The following RAB42 variants were observed in gnomAD, a reference collection of about 807,000 sequenced individuals.
RAB42 encodes the protein RAB42, member RAS oncogene family.
Under a neutral mutation model 7.5 loss-of-function variants are expected in RAB42, and 4 were observed. The observed-to-expected ratio is 0.53, with a 90% CI of 0.26 to 1.22. The LOEUF (loss-of-function observed/expected upper bound fraction) is 1.22, where lower values mean the gene tolerates loss of function less well. Among genes scored for constraint, RAB42 ranks in the 50% most tolerant of loss-of-function variants. RAB42 has a pLI of 0.13. For missense variants in RAB42, 208 were observed against 281.2 expected, an observed-to-expected ratio of 0.74 and a Z score of 1.86; for synonymous variants, 82 against 129.0, an observed-to-expected ratio of 0.64 and a Z score of 2.47.
rs1255158250 is a variant in RAB42 at position 28,595,362 on chromosome 1, C to T, written c.*1245C>T. On this transcript the variant is annotated 3_prime_UTR_variant, in exon 2 of 2. Transcript: ENST00000465518. The stretch of plus-strand genomic sequence containing the variant: ...GTTGTGACATCATAGCCAAGTTATC[C>T]CCTTGCCCAATCCTGCTTCCTTTTC... 1 of 167,064 alleles carries T rather than the reference C, an allele frequency of 6.0e-6. No individual in the cohort carries two copies. Among genetic ancestry groups the T allele is most frequent in the Admixed American group, 6.5e-5 (1 of 15,282 alleles). 10.3% of individuals were successfully genotyped at this position (167,064 alleles called of 1,614,324 possible).
rs1011933364 is a variant in RAB42 at position 28,592,982 on chromosome 1, G to A, written c.233+238G>A. 3.3e-5 allele frequency among the ~76,000 whole-genome samples: 5 copies of A among 152,142 alleles called. No homozygotes were observed. Among genetic ancestry groups the A allele is most frequent in the Admixed American group, 1.3e-4 (2 of 15,272 alleles). On this transcript the variant is annotated intron_variant, in intron 1 of 1. Coordinates refer to ENST00000465518, the MANE Select transcript of RAB42 (RefSeq NM_001193532.3). The surrounding 1 kb of genome is among the most constrained non-coding windows in gnomAD (Gnocchi z 4.1). ...GGAACATCCCTGGCTTTGAGCTCTGGACTCTGGAGAGATGCTGAGTGATAC... is the reference window on the plus strand; with the variant it reads ...GGAACATCCCTGGCTTTGAGCTCTGAACTCTGGAGAGATGCTGAGTGATAC...
In RAB42 at chr1:28,592,494, G is replaced by A; in HGVS notation, c.-18G>A. The A allele has an allele frequency of 8.5e-7, 1 of 1,181,224 alleles. No individual in the cohort carries two copies. Among genetic ancestry groups the A allele is most frequent in the Non-Finnish European group, 1.1e-6 (1 of 951,322 alleles). The allele number at this position is 1,181,224 out of a possible 1,614,324, so 73.2% of individuals were successfully genotyped here. On this transcript the variant is annotated 5_prime_UTR_variant, in exon 1 of 2. Transcript: ENST00000465518. This position sits in a 1 kb window ranked among gnomAD's most constrained non-coding sequence, Gnocchi z 4.1. ...GCGGACAAAACCGCCGCGGGGCGGC[G>A]GGGTGGCGGACGCGGCCATGGAGGC...
chr1:28,596,189 C>T (rs1181959551), downstream of RAB42, among the ~76,000 whole-genome samples: 1 of 151,936 alleles, frequency 6.6e-6, no homozygotes, highest in African/African-American at 2.4e-5. Flanking sequence ...GGGGAATATC[C>T]ATTACCTCAG....
Position 28,592,419 on chromosome 1 carries a change from G to A in RAB42, c.-93G>A. On this transcript the variant is annotated 5_prime_UTR_variant, in exon 1 of 2. Transcript: ENST00000465518. This position sits in a 1 kb window ranked among gnomAD's most constrained non-coding sequence, Gnocchi z 4.1. Reference sequence around the variant, plus strand: ...CGCCGGGTACGGTGGCTGGGCGCGGGGAGCGGGGGGCGGCGCCGGCGGGGC... The same window carrying A: ...CGCCGGGTACGGTGGCTGGGCGCGGAGAGCGGGGGGCGGCGCCGGCGGGGC... 1.9e-6 allele frequency: 1 copy of A among 513,638 alleles called. No homozygotes were observed. 31.8% of individuals were successfully genotyped at this position (513,638 alleles called of 1,614,324 possible).
Position 28,593,797 on chromosome 1 carries a change from G to T in RAB42, c.337G>T (p.Val113Phe), listed in dbSNP as rs1666372395. ...ACACATCCAAGACTGGCACCAGGAGGTCATGGCCACTCAGGGCCCGGACAA... is the reference window on the plus strand; with the variant it reads ...ACACATCCAAGACTGGCACCAGGAGTTCATGGCCACTCAGGGCCCGGACAA... ...FEHIQDWHQEVMATQGPDKVI... is the reference protein window; with the variant it reads ...FEHIQDWHQEFMATQGPDKVI... The change falls in exon 2 of 2, where the codon GTC becomes TTC. Residue 113 changes from valine (V) to phenylalanine (F), a missense_variant. Coordinates refer to ENST00000465518, the MANE Select transcript of RAB42 (RefSeq NM_001193532.3). 6.4e-7 allele frequency: 1 copy of T among 1,557,284 alleles called. No homozygotes were observed. Among genetic ancestry groups the T allele is most frequent in the South Asian group, 1.2e-5 (1 of 84,802 alleles).
At position 28,594,149 on chromosome 1, in the gene RAB42, G is replaced by T; in HGVS notation, c.*32G>T. 6.5e-7 allele frequency: 1 copy of T among 1,526,820 alleles called. No individual in the cohort carries two copies. The allele number at this position is 1,526,820 out of a possible 1,614,324, so 94.6% of individuals were successfully genotyped here. A position where few individuals can be genotyped will look rare whatever the true frequency, so the allele number is the denominator to read the frequency against. ...GAGAGAAAGGGTTAAAGCAGTCCCA[G>T]CCTTAGCCCACCTGGTGGGATGGGG... is the stretch of plus-strand genomic sequence containing the variant. On this transcript the variant is annotated 3_prime_UTR_variant, in exon 2 of 2. Coordinates refer to ENST00000465518, the MANE Select transcript of RAB42 (RefSeq NM_001193532.3).
chr1:28,594,450 C>T lies in RAB42; in HGVS notation c.*333C>T. On this transcript the variant is annotated 3_prime_UTR_variant, in exon 2 of 2. Coordinates refer to ENST00000465518, the MANE Select transcript of RAB42 (RefSeq NM_001193532.3). ...ATTAGCCAGGCGTGGTGGTGCATGCCTGTAATCCCAGTTACTCCAGAGGCT... is the reference window on the plus strand; with the variant it reads ...ATTAGCCAGGCGTGGTGGTGCATGCTTGTAATCCCAGTTACTCCAGAGGCT... 4.6e-6 allele frequency: 1 copy of T among 217,866 alleles called. No individual in the cohort carries two copies. Among genetic ancestry groups the T allele is most frequent in the Non-Finnish European group, 9.4e-6 (1 of 106,642 alleles). The allele number at this position is 217,866 out of a possible 1,614,324, so 13.5% of individuals were successfully genotyped here.
chr1:28,592,859 T>C lies in RAB42; in HGVS notation c.233+115T>C, dbSNP rs931431640. 2.2e-6 allele frequency: 1 copy of C among 446,182 alleles called. No individual in the cohort carries two copies. The highest frequency in any genetic ancestry group is 3.7e-6 in the Non-Finnish European group (1 of 273,194). 27.6% of individuals were successfully genotyped at this position (446,182 alleles called of 1,614,324 possible). ...GAGGTCAGGCGGAGGGCGAGGTCCC[T>C]GCCCTGGGTCCCGCCCGGTCCACTG... On this transcript the variant is annotated intron_variant, in intron 1 of 1. Coordinates refer to ENST00000465518, the MANE Select transcript of RAB42 (RefSeq NM_001193532.3). This position sits in a 1 kb window ranked among gnomAD's most constrained non-coding sequence, Gnocchi z 4.1.
At position 28,592,831 on chromosome 1, in the gene RAB42, T is replaced by A; in HGVS notation, c.233+87T>A. 1 of 586,722 alleles carries A rather than the reference T, an allele frequency of 1.7e-6. No homozygotes were observed. Among genetic ancestry groups the A allele is most frequent in the Admixed American group, 4.4e-5 (1 of 22,662 alleles). The allele number at this position is 586,722 out of a possible 1,614,324, so 36.3% of individuals were successfully genotyped here. On this transcript the variant is annotated intron_variant, in intron 1 of 1. Transcript: ENST00000465518. The surrounding 1 kb of genome is among the most constrained non-coding windows in gnomAD (Gnocchi z 4.1). ...CCACGGCAACTCCCGAGAGGCCAAC[T>A]CAGAGGTCAGGCGGAGGGCGAGGTC...
At chr1:28,593,552 A>T in intron 1 of RAB42, 142 bp from the exon 2 acceptor site, 2 of 961,242 alleles carry the variant, frequency 2.1e-6, no homozygotes, top group Non-Finnish European at 3.0e-6. Context: ...ACCGAGGCAG[A>T]GAACCACGGG....
Position 28,592,564 on chromosome 1 carries a change from C to A in RAB42, c.53C>A (p.Ala18Glu). The A allele has an allele frequency of 8.2e-7, 1 of 1,217,254 alleles. No individual in the cohort carries two copies. The highest frequency in any genetic ancestry group is 1.0e-6 in the Non-Finnish European group (1 of 978,564). The allele number at this position is 1,217,254 out of a possible 1,614,324, so 75.4% of individuals were successfully genotyped here. A position where few individuals can be genotyped will look rare whatever the true frequency, so the allele number is the denominator to read the frequency against. The change falls in exon 1 of 2, where the codon GCG (alanine) becomes GAG (glutamate). Residue 18 changes from alanine to glutamate, a missense_variant. Ala to Glu is a moderately radical substitution (Grantham distance 107). Coordinates refer to ENST00000465518, the MANE Select transcript of RAB42 (RefSeq NM_001193532.3). The surrounding 1 kb of genome is among the most constrained non-coding windows in gnomAD (Gnocchi z 4.1). ...TTTCGGGTCGCGCTGCTGGGGGACG[C>A]GGCGGTGGGCAAGACGTCGCTGCTG... ...YQFRVALLGD[A>E]AVGKTSLLRS...
At position 28,594,053 on chromosome 1, in the gene RAB42, T is replaced by C; in HGVS notation, c.593T>C (p.Ile198Thr). ...GAGGGCTGGGGGGGTGTCCGGCTCA[T>C]CCACAAGACCCAAATCCCCAGGTCC... ...LEEGWGGVRL[I>T]HKTQIPRSPS... Residue 198 changes from isoleucine to threonine, a missense_variant, in exon 2 of 2, where the codon ATC becomes ACC. Coordinates refer to ENST00000465518, the MANE Select transcript of RAB42 (RefSeq NM_001193532.3). The C allele has an allele frequency of 6.2e-7, 1 of 1,613,110 alleles. No homozygotes were observed. Among genetic ancestry groups the C allele is most frequent in the South Asian group, 1.1e-5 (1 of 91,016 alleles).
At chr1:28,593,611 A>G in intron 1 of RAB42, 83 bp from the exon 2 acceptor site, 1 of 1,399,404 alleles carries the variant, frequency 7.1e-7, no homozygotes, top group Non-Finnish European at 9.5e-7. Context: ...TGTGGATCCC[A>G]GGGGGAGGAG....
downstream of RAB42, among the ~76,000 whole-genome samples, chr1:28,595,635 A>G (rs1334197286): frequency 6.6e-6 from 1 of 152,170 alleles, no homozygotes; most frequent in Non-Finnish European, 1.5e-5. Flanking sequence ...TGCTGGGTGC[A>G]GTGGCTCACG....
rs1400050403 is a variant in RAB42, at chr1:28,592,725, G to A, written c.214G>A (p.Ala72Thr). ...PRVKLQLWDTAGHERFRCITR... is the reference protein window; with the variant it reads ...PRVKLQLWDTTGHERFRCITR... ...GGTCAAGCTGCAACTCTGGGACACC[G>A]CGGGCCACGAGCGCTTCAGGTGCGG... is the stretch of plus-strand genomic sequence containing the variant. Residue 72 changes from alanine to threonine, a missense_variant, in exon 1 of 2, where the codon GCG becomes ACG. Physicochemically the swap from Ala to Thr is moderately conservative, Grantham distance 58. Coordinates refer to ENST00000465518, the MANE Select transcript of RAB42 (RefSeq NM_001193532.3). The surrounding 1 kb of genome is among the most constrained non-coding windows in gnomAD (Gnocchi z 4.1). The A allele has an allele frequency of 1.6e-5, 20 of 1,229,382 alleles. No homozygotes were observed. The South Asian group carries it at 5.4e-4, about 33-fold the overall frequency. 76.2% of individuals were successfully genotyped at this position (1,229,382 alleles called of 1,614,324 possible).
chr1:28,593,209 C>T (rs1320675876), intron 1 of RAB42, among the ~76,000 whole-genome samples: 3 of 145,542 alleles, frequency 2.1e-5, no homozygotes, highest in African/African-American at 7.5e-5. Context: ...TTTTTCTTTT[C>T]TTTTTTTTTT....
At chr1:28,595,917 A>G (rs1187462360), downstream of RAB42, among the ~76,000 whole-genome samples, 1 of 152,092 alleles carries the variant, frequency 6.6e-6, no homozygotes, top group Non-Finnish European at 1.5e-5. Context: ...CCGTCTCATA[A>G]AAAAAGAAAA....
intron 1 of RAB42, among the ~76,000 whole-genome samples, chr1:28,593,226 C>T (rs1666358430): frequency 6.6e-6 from 1 of 151,002 alleles, no homozygotes; most frequent in Non-Finnish European, 1.5e-5. Context: ...TTTTTTGAGA[C>T]GGAGTCTCTC....
Position 28,593,774 on chromosome 1 carries a change from A to G in RAB42, c.314A>G (p.His105Arg). ...GTGACAAACAGGAAGTCCTTTGAAC[A>G]CATCCAAGACTGGCACCAGGAGGTC... ...FDVTNRKSFE[H>R]IQDWHQEVMA... Residue 105 changes from histidine to arginine, a missense_variant, in exon 2 of 2, where the codon CAC becomes CGC. Transcript: ENST00000465518. 6.4e-7 allele frequency: 1 copy of G among 1,551,014 alleles called. No homozygotes were observed. The highest frequency in any genetic ancestry group is 8.7e-7 in the Non-Finnish European group (1 of 1,146,684).
Sources: allele counts gnomAD v4.1 joint callset (sites outside exome capture counted in the v4.1 genomes callset), GRCh38; gene constraint gnomAD v4.1.1; non-coding constraint Gnocchi (gnomAD v3.1); transcripts MANE v1.5; gene names NCBI Gene and HGNC (gene_info 2026-07-23, HGNC 2026-07-21).